CMC1: variants seen among roughly 807,000 people sequenced by gnomAD.
CMC1 encodes COX assembly mitochondrial protein homolog.
A neutral mutation model predicts 14.1 loss-of-function variants in CMC1; 14 were observed. The observed-to-expected ratio is 0.99, with a 90% CI of 0.66 to 1.55. The LOEUF (loss-of-function observed/expected upper bound fraction) is 1.55. CMC1 is among the 40% of genes most tolerant of loss of function. The pLI is 0.00. For synonymous variants in CMC1, 50 were observed against 38.4 expected, an observed-to-expected ratio of 1.30 and a Z score of -1.12; for missense variants, 127 against 123.8, an observed-to-expected ratio of 1.03 and a Z score of -0.12.
intron 2 of CMC1, among the ~76,000 whole-genome samples, chr3:28,276,623 G>A (rs942273180): frequency 6.6e-6 from 1 of 152,146 alleles, no homozygotes; most frequent in African/African-American, 2.4e-5. Flanking sequence ...CTGAGTAGAA[G>A]ATCACACTTC....
At chr3:28,251,201 C>T (rs1030626058) in intron 1 of CMC1, among the ~76,000 whole-genome samples, 1 of 152,138 alleles carries the variant, frequency 6.6e-6, no homozygotes, top group African/African-American at 2.4e-5. Context: ...AACATTTATG[C>T]TGTGTCAGAA....
intron 2 of CMC1, among the ~76,000 whole-genome samples, chr3:28,310,800 T>C (rs550286556): frequency 1.3e-5 from 2 of 152,316 alleles, no homozygotes; most frequent in South Asian, 4.1e-4. Flanking sequence ...GAAGACACTT[T>C]TCCAGTGGTT....
chr3:28,248,807 T>G (rs1698967261), intron 1 of CMC1, among the ~76,000 whole-genome samples: 1 of 152,158 alleles, frequency 6.6e-6, no homozygotes, highest in African/African-American at 2.4e-5. Context: ...TCTTTTTTTT[T>G]GAGACAGAGT....
chr3:28,308,976 C>T (rs1025787162), intron 2 of CMC1, among the ~76,000 whole-genome samples: 35 of 30,712 alleles, frequency 1.1e-3, no homozygotes, highest in African/African-American at 3.8e-3. Context: ...AGCGAGACTC[C>T]GTCTCAAAAA....
At chr3:28,253,325 CCCAGCATTGGGGAGG>C (rs1699227833) in intron 1 of CMC1, among the ~76,000 whole-genome samples, 2 of 152,108 alleles carry the variant, frequency 1.3e-5, no homozygotes, top group South Asian at 4.1e-4. Context: ...CTCCTGTAAT[CCCAGCATTGGGGAGG>C]CTGAAGTGGG....
At chr3:28,279,221 C>CTG (rs1185468819) in intron 2 of CMC1, among the ~76,000 whole-genome samples, 18 of 152,248 alleles carry the variant, frequency 1.2e-4, no homozygotes, top group African/African-American at 3.4e-4. Context: ...GGCTGAAACT[C>CTG]TTGACAAACA....
chr3:28,274,541 A>G lies in CMC1; in HGVS notation c.109+11161A>G, dbSNP rs1048767871. Among the ~76,000 whole-genome samples the G allele has an allele frequency of 5.3e-5, 8 of 152,046 alleles. No homozygotes were observed. The East Asian group carries it at 1.6e-3, about 30-fold the overall frequency. ...CTGGCCTTTCTGTCTGGCTGCTCGT[A>G]ATATTTTTCCTTCCTTTCAACCTTG... On this transcript the variant is annotated intron_variant, in intron 2 of 3. Transcript: ENST00000466830.
intron 2 of CMC1, among the ~76,000 whole-genome samples, chr3:28,303,421 T>C (rs34463163): frequency 0.2 from 31,162 of 152,138 alleles, 3,599 homozygotes; most frequent in Admixed American, 0.28. Flanking sequence ...CTCAAACTTA[T>C]ATTCTAATCA....
At chr3:28,301,595 G>A (rs7651491) in intron 2 of CMC1, among the ~76,000 whole-genome samples, 3,420 of 151,318 alleles carry the variant, frequency 0.023, 149 homozygotes, top group African/African-American at 0.078. Flanking sequence ...TACTGCGATC[G>A]AATTTGGAGA....
intron 2 of CMC1, among the ~76,000 whole-genome samples, chr3:28,274,208 TTTTGTTTTTTTC>T (rs1266272780): frequency 1.6e-5 from 2 of 127,972 alleles, no homozygotes; most frequent in Admixed American, 1.8e-4. Flanking sequence ...ACTAAAGTGT[TTTTGTTTTTTTC>T]TTTTTTTTTT....
chr3:28,259,049 A>G (rs1367809989), intron 1 of CMC1, among the ~76,000 whole-genome samples: 2 of 152,138 alleles, frequency 1.3e-5, no homozygotes, highest in African/African-American at 4.8e-5. Context: ...GCTGCATAGC[A>G]TCTAAATTTG....
chr3:28,279,088 A>G (rs1700735454), intron 2 of CMC1, among the ~76,000 whole-genome samples: 1 of 152,202 alleles, frequency 6.6e-6, no homozygotes, highest in African/African-American at 2.4e-5. Flanking sequence ...ACTATAACCT[A>G]TGAACAAAAT....
intron 2 of CMC1, among the ~76,000 whole-genome samples, chr3:28,278,056 T>TTGATGTGATTGTGTGAG (rs2125508393): frequency 1.3e-5 from 2 of 152,018 alleles, no homozygotes; most frequent in African/African-American, 4.8e-5. Flanking sequence ...GATTGTGTGA[T>TTGATGTGATTGTGTGAG]TGATGTGATT....
chr3:28,282,498 A>G (rs1341437881), intron 2 of CMC1, among the ~76,000 whole-genome samples: 7 of 152,336 alleles, frequency 4.6e-5, no homozygotes, highest in Middle Eastern at 3.4e-3. Context: ...AGATTTTTAA[A>G]TGTAATATTT....
chr3:28,295,738 T>C (rs1404053306), intron 2 of CMC1, among the ~76,000 whole-genome samples: 1 of 152,132 alleles, frequency 6.6e-6, no homozygotes, highest in Non-Finnish European at 1.5e-5. Flanking sequence ...ATTAAGAATA[T>C]ACAGTTTCCC....
chr3:28,259,240 A>C (rs1699596444), intron 1 of CMC1, among the ~76,000 whole-genome samples: 1 of 152,050 alleles, frequency 6.6e-6, no homozygotes, highest in Non-Finnish European at 1.5e-5. Flanking sequence ...TATCTTACAT[A>C]ACCATGATAT....
rs17021356 is a variant in CMC1 at position 28,313,800 on chromosome 3, G to A, written c.110-2533G>A. ...TAGACAAAACAAGTCTTAATGCAATGCCTAAGCATCCTATTTATCTAAGTA... is the reference window on the plus strand; with the variant it reads ...TAGACAAAACAAGTCTTAATGCAATACCTAAGCATCCTATTTATCTAAGTA... On this transcript the variant is annotated intron_variant, in intron 2 of 3. Transcript: ENST00000466830. Among the ~76,000 whole-genome samples the A allele has an allele frequency of 5.1e-3, 775 of 152,306 alleles. 6 individuals are homozygous for A. Among genetic ancestry groups the A allele is most frequent in the African/African-American group, 0.017 (718 of 41,570 alleles).
chr3:28,280,669 C>T (rs1457093439), intron 2 of CMC1, among the ~76,000 whole-genome samples: 1 of 152,054 alleles, frequency 6.6e-6, no homozygotes, highest in East Asian at 1.9e-4. Flanking sequence ...ATAAAATATG[C>T]ATAAGGATGT....
chr3:28,245,482 C>T (rs1222737837), intron 1 of CMC1, among the ~76,000 whole-genome samples: 1 of 152,152 alleles, frequency 6.6e-6, no homozygotes, highest in Non-Finnish European at 1.5e-5. Context: ...GTTAGGTTCT[C>T]TTCCCTCTGT....
Sources: allele counts gnomAD v4.1 joint callset (sites outside exome capture counted in the v4.1 genomes callset), GRCh38; gene constraint gnomAD v4.1.1; transcripts MANE v1.5; gene names NCBI Gene and HGNC (gene_info 2026-07-23, HGNC 2026-07-21).